The following COL25A1 variants were observed in gnomAD, a reference collection of about 807,000 sequenced individuals.
COL25A1 encodes the protein collagen type XXV alpha 1 chain, also known as collagen alpha-1(XXV) chain.
In COL25A1, 103 loss-of-function variants were observed where a neutral mutation model predicts 128.4. The observed-to-expected ratio is 0.80, with a 90% CI of 0.68 to 0.94. The LOEUF (loss-of-function observed/expected upper bound fraction) is 0.94. COL25A1 is among the 40% of genes least tolerant of loss of function. COL25A1 has a pLI of 0.00. For synonymous variants in COL25A1, 279 were observed against 277.2 expected, an observed-to-expected ratio of 1.01 and a Z score of -0.06; for missense variants, 745 against 840.0, an observed-to-expected ratio of 0.89 and a Z score of 1.40.
Position 109,057,223 on chromosome 4 carries a change from TG to T in COL25A1, c.368-7045del, listed in dbSNP as rs555496434. Among the ~76,000 whole-genome samples the T allele has an allele frequency of 9.2e-5, 14 of 152,186 alleles. No homozygotes were observed. The East Asian group carries it at 1.4e-3, about 15-fold the overall frequency. On this transcript the variant is annotated intron_variant, in intron 3 of 37. Transcript: ENST00000399132. ...AAAGCATGTTATCTTTCTCATGAAATGCACTGAGAGCAGGACTCTTATTTGT... is the reference window on the plus strand; with the variant it reads ...AAAGCATGTTATCTTTCTCATGAAATCACTGAGAGCAGGACTCTTATTTGT...
intron 3 of COL25A1, among the ~76,000 whole-genome samples, chr4:109,237,603 G>A (rs1198245095): frequency 1.3e-5 from 2 of 151,340 alleles, no homozygotes; most frequent in Admixed American, 1.3e-4. Context: ...ACTGGTAAAG[G>A]AATGGCTTGA....
At chr4:109,048,054 G>T in intron 5 of COL25A1, 114 bp downstream of exon 5, 2 of 1,210,668 alleles carry the variant, frequency 1.7e-6, no homozygotes, top group Non-Finnish European at 2.4e-6. Context: ...CTCTTAAAAG[G>T]TCAGTAACAT....
chr4:109,079,957 T>C (rs1357559634), intron 3 of COL25A1, among the ~76,000 whole-genome samples: 4 of 152,048 alleles, frequency 2.6e-5, no homozygotes, highest in Admixed American at 2.6e-4. Flanking sequence ...AATGGCTTTC[T>C]TTCCAGTCAG....
At chr4:108,998,576 G>A (rs1317522258) in intron 6 of COL25A1, among the ~76,000 whole-genome samples, 5 of 152,000 alleles carry the variant, frequency 3.3e-5, no homozygotes, top group Admixed American at 1.3e-4. Context: ...ATCCCCATCA[G>A]GCTACCAATG....
At chr4:109,091,895 T>C (rs548832374) in intron 3 of COL25A1, among the ~76,000 whole-genome samples, 24 of 152,200 alleles carry the variant, frequency 1.6e-4, no homozygotes, top group Admixed American at 2.0e-4. Flanking sequence ...CCAAGATTCA[T>C]TGAGATGTGA....
In COL25A1 at chr4:109,110,744, T is replaced by C. The variant is rs190609926; in HGVS notation, c.368-60565A>G. Among the ~76,000 whole-genome samples, 24 of 152,290 alleles carry C rather than the reference T, an allele frequency of 1.6e-4. No individual in the cohort carries two copies. In the East Asian group the frequency reaches 3.9e-3, roughly 25 times the overall value. On this transcript the variant is annotated intron_variant, in intron 3 of 37. Coordinates refer to ENST00000399132, the MANE Select transcript of COL25A1 (RefSeq NM_198721.4). ...TATGGTGCAATTGTCTACCCAGAAA[T>C]TGGAGTTTCTCCTTGACTTCTGTGT...
chr4:109,222,340 T>C (rs1034747216), intron 3 of COL25A1, among the ~76,000 whole-genome samples: 7 of 151,898 alleles, frequency 4.6e-5, no homozygotes, highest in African/African-American at 1.7e-4. Context: ...GGGATTACAG[T>C]GGTGAGCCAC....
intron 14 of COL25A1, among the ~76,000 whole-genome samples, chr4:108,899,859 T>C (rs1476439759): frequency 6.6e-6 from 1 of 152,066 alleles, no homozygotes; most frequent in Non-Finnish European, 1.5e-5. Flanking sequence ...AGGACTAAAA[T>C]GCAAAATGGT....
intron 8 of COL25A1, among the ~76,000 whole-genome samples, chr4:108,968,681 T>C (rs17532510): frequency 0.3 from 46,157 of 151,982 alleles, 7,577 homozygotes; most frequent in South Asian, 0.46. Context: ...AGGATTTCAA[T>C]TCTCCCTCTG....
intron 3 of COL25A1, among the ~76,000 whole-genome samples, chr4:109,189,743 AT>A (rs990850673): frequency 2.0e-5 from 3 of 152,078 alleles, no homozygotes; most frequent in African/African-American, 7.2e-5. Flanking sequence ...AATTTTACTA[AT>A]TAGGTCAAGC....
At chr4:108,861,557 A>C (rs1276330743) in intron 22 of COL25A1, among the ~76,000 whole-genome samples, 1 of 152,224 alleles carries the variant, frequency 6.6e-6, no homozygotes, top group Non-Finnish European at 1.5e-5. Flanking sequence ...ACAGGTTGGC[A>C]GCGCTGAAGG....
In COL25A1 at chr4:109,013,646, ACT is replaced by A. The variant is rs201586882; in HGVS notation, c.421-3273_421-3272del. 7.3e-4 allele frequency among the ~76,000 whole-genome samples: 111 copies of A among 151,636 alleles called. 3 individuals carry two copies. The East Asian group carries it at 0.02, about 28-fold the overall frequency. ...ACAAACCCACCAGGAGGAATGAACA[ACT>A]CTGAACGGAAGGAATGAACAACTCC... On this transcript the variant is annotated intron_variant, in intron 5 of 37. Coordinates refer to ENST00000399132, the MANE Select transcript of COL25A1 (RefSeq NM_198721.4).
intron 3 of COL25A1, among the ~76,000 whole-genome samples, chr4:109,132,268 C>T (rs1487988249): frequency 6.6e-6 from 1 of 152,048 alleles, no homozygotes; most frequent in Non-Finnish European, 1.5e-5. Flanking sequence ...CATAAATTTA[C>T]ATGGTTTGTT....
In COL25A1 at chr4:108,879,381, C is replaced by A. The variant is rs1037091756; in HGVS notation, c.1020+4797G>T. On this transcript the variant is annotated intron_variant, in intron 19 of 37. Transcript: ENST00000399132. ...TTACTGTATTACACCTCCCTTGCTC[C>A]ATGTTTTTTTTTCCCCCAATTTGCT... Among the ~76,000 whole-genome samples the A allele has an allele frequency of 8.3e-5, 9 of 108,772 alleles. No individual in the cohort carries two copies. The Admixed American group carries it at 9.4e-4, about 11-fold the overall frequency. 71.4% of individuals were successfully genotyped at this position (108,772 alleles called of 152,430 possible). A position where few individuals can be genotyped will look rare whatever the true frequency, so the allele number is the denominator to read the frequency against.
chr4:109,267,147 A>T (rs549437464), intron 3 of COL25A1, among the ~76,000 whole-genome samples: 37 of 152,296 alleles, frequency 2.4e-4, no homozygotes, highest in African/African-American at 8.9e-4. Flanking sequence ...TAGCTCTCTT[A>T]AAACCAGATA....
intron 3 of COL25A1, among the ~76,000 whole-genome samples, chr4:109,117,529 A>G (rs1434317833): frequency 6.6e-6 from 1 of 151,988 alleles, no homozygotes; most frequent in Admixed American, 6.6e-5. Context: ...AGGAGAAAAA[A>G]TATTAGGTCA....
chr4:109,258,773 G>A (rs1289986768), intron 3 of COL25A1, among the ~76,000 whole-genome samples: 2 of 152,034 alleles, frequency 1.3e-5, no homozygotes, highest in East Asian at 1.9e-4. Flanking sequence ...TCTGATTAAT[G>A]TCATTAAAAT....
intron 11 of COL25A1, among the ~76,000 whole-genome samples, chr4:108,932,252 C>T (rs775201573): frequency 3.0e-4 from 45 of 152,274 alleles, no homozygotes; most frequent in Admixed American, 8.5e-4. Context: ...CCTTCACATA[C>T]TGGGTATTTC....
At chr4:108,820,018 G>T in intron 35 of COL25A1, 1 of 411,174 alleles carries the variant, frequency 2.4e-6, no homozygotes, top group Non-Finnish European at 4.2e-6. Flanking sequence ...TTCTGATTTA[G>T]GTAAGGCATG....
Sources: gnomAD v4.1 joint callset for allele counts (sites outside exome capture counted in the v4.1 genomes callset) on GRCh38, gnomAD v4.1.1 for gene constraint, MANE v1.5 for transcripts, NCBI Gene and HGNC (gene_info 2026-07-23, HGNC 2026-07-21) for gene names.